Variants in ARHGAP11A observed in about 807,000 individuals in gnomAD.
ARHGAP11A encodes Rho GTPase activating protein 11A, also known as rho GTPase-activating protein 11A.
ARHGAP11A carries 36 observed loss-of-function variants against 60.5 expected under a neutral mutation model. The observed-to-expected ratio is 0.59, with a 90% CI of 0.46 to 0.79. The LOEUF (loss-of-function observed/expected upper bound fraction) is 0.79. Ranked by LOEUF, ARHGAP11A falls within the 30% of genes least tolerant of loss-of-function variation. The pLI, the probability that ARHGAP11A is intolerant of heterozygous loss-of-function variation, is 0.00. For synonymous variants in ARHGAP11A, 362 were observed against 415.5 expected (o/e 0.87, Z 1.57); for missense variants, 1,071 against 1,199.2 (o/e 0.89, Z 1.58).
chr15:32,616,405 C>G (rs4353456), intron 1 of ARHGAP11A, 65 bp downstream of exon 1: 28 of 1,605,328 alleles, frequency 1.7e-5, no homozygotes, highest in African/African-American at 9.4e-5. Context: ...TCACTTACTA[C>G]CAGATCGTGC....
In ARHGAP11A at chr15:32,637,610, C is replaced by T. The variant is rs944823977; in HGVS notation, c.2837C>T (p.Thr946Ile). ...DSVNASLRST[T>I]VYKQKILSDG... ...GTGAATGCTTCTCTTAGGTCTACTACAGTTTATAAACAGAAGATCTTATCT... is the reference window on the plus strand; with the variant it reads ...GTGAATGCTTCTCTTAGGTCTACTATAGTTTATAAACAGAAGATCTTATCT... Residue 946 changes from threonine (T) to isoleucine (I), a missense_variant, in exon 12 of 12, where the codon ACA becomes ATA. This residue lies in a region of ARHGAP11A where 776 missense variants were observed against 760.2 expected (regional missense o/e 1.02). Coordinates refer to ENST00000361627, the MANE Select transcript of ARHGAP11A (RefSeq NM_014783.6). The T allele has an allele frequency of 6.8e-6, 11 of 1,614,182 alleles. No individual in the cohort carries two copies. The East Asian group carries it at 2.2e-4, about 33-fold the overall frequency.
rs1181199908 is a variant in ARHGAP11A at position 32,635,810 on chromosome 15, G to A, written c.1378G>A (p.Val460Ile). 3 of 1,610,108 alleles carry A rather than the reference G, an allele frequency of 1.9e-6. No individual in the cohort carries two copies. Among genetic ancestry groups the A allele is most frequent in the Non-Finnish European group, 2.5e-6 (3 of 1,178,826 alleles). Residue 460 changes from valine to isoleucine, a missense_variant, in exon 11 of 12, where the codon GTT becomes ATT. By Grantham distance (29) the Val-to-Ile change is conservative. This residue lies in a region of ARHGAP11A where 776 missense variants were observed against 760.2 expected (regional missense o/e 1.02). Transcript: ENST00000361627. ...TTCTGGTGTCAATAGATATGAAAGTGTTGGTTGGCGACTTGCAAATCAACA... is the reference window on the plus strand; with the variant it reads ...TTCTGGTGTCAATAGATATGAAAGTATTGGTTGGCGACTTGCAAATCAACA... ...GCSGVNRYES[V>I]GWRLANQQSL...
At chr15:32,617,206 G>A (rs1016656204) in intron 1 of ARHGAP11A, among the ~76,000 whole-genome samples, 1 of 152,108 alleles carries the variant, frequency 6.6e-6, no homozygotes, top group Admixed American at 6.5e-5. Flanking sequence ...GCTTTTAATA[G>A]TTTATGGTTT....
Position 32,637,311 on chromosome 15 carries a change from T to C in ARHGAP11A, c.2538T>C (p.Asn846=). 6.2e-7 allele frequency: 1 copy of C among 1,614,194 alleles called. No individual in the cohort carries two copies. ...TPVRQSVRRI[N]SLLEYSRQPT... ...TTCGTCAGTCCGTCAGAAGAATTAA[T>C]TCTTTGTTGGAGTATAGCAGACAAC... The change falls in exon 12 of 12, where the codon AAT becomes AAC. Residue 846 remains asparagine, a synonymous_variant. Transcript: ENST00000361627.
rs1419172154 is a variant in ARHGAP11A at position 32,636,691 on chromosome 15, G to C, written c.1918G>C (p.Glu640Gln). 12 of 1,613,798 alleles carry C rather than the reference G, an allele frequency of 7.4e-6. No individual in the cohort carries two copies. Among genetic ancestry groups the C allele is most frequent in the Non-Finnish European group, 1.0e-5 (12 of 1,179,952 alleles). ...TEPSYLEDSP[E>Q]ENLFETNDLT... ...ACCATCTTATTTAGAAGATAGCCCA[G>C]AGGAAAATCTATTTGAAACTAATGA... The change falls in exon 12 of 12, where the codon GAG becomes CAG. Residue 640 changes from glutamate to glutamine, a missense_variant. Transcript: ENST00000361627.
Position 32,637,565 on chromosome 15 carries a change from T to G in ARHGAP11A, c.2792T>G (p.Met931Arg). The G allele has an allele frequency of 6.2e-7, 1 of 1,614,204 alleles. No homozygotes were observed. Among genetic ancestry groups the G allele is most frequent in the Non-Finnish European group, 8.5e-7 (1 of 1,180,034 alleles). The change falls in exon 12 of 12, where the codon ATG becomes AGG. Residue 931 changes from methionine to arginine, a missense_variant. Physicochemically the swap from Met to Arg is moderately conservative, Grantham distance 91 (BLOSUM62 -1). Around this residue, in one of 4 missense-constraint regions of ARHGAP11A, gnomAD observed 776 missense variants for 760.2 expected, o/e 1.02. Transcript: ENST00000361627. ...MELPSKSFLK[M>R]RKHPDSVNAS... ...TTACCCTCGAAATCTTTCTTAAAGA[T>G]GAGGAAGCACCCAGATTCAGTGAAT...
At chr15:32,628,001 G>T (rs2140460845) in intron 6 of ARHGAP11A, among the ~76,000 whole-genome samples, 1 of 152,082 alleles carries the variant, frequency 6.6e-6, no homozygotes, top group South Asian at 2.1e-4. Context: ...GTAGAAAGGG[G>T]GTTTCACTGT....
Position 32,631,364 on chromosome 15 carries a change from C to T in ARHGAP11A, c.1105+1602C>T, listed in dbSNP as rs1003612506. ...AGGCTAGAGTGCAATGGCACAATCT[C>T]GGCTCACTGCAGCCACCACCTCTCA... is the stretch of plus-strand genomic sequence containing the variant. On this transcript the variant is annotated intron_variant, in intron 8 of 11. Coordinates refer to ENST00000361627, the MANE Select transcript of ARHGAP11A (RefSeq NM_014783.6). 3.3e-4 allele frequency among the ~76,000 whole-genome samples: 50 copies of T among 151,382 alleles called. 1 individual carries two copies. The highest frequency in any genetic ancestry group is 2.7e-3 in the Admixed American group (41 of 15,196).
At chr15:32,619,932 A>G (rs1043528272) in intron 1 of ARHGAP11A, among the ~76,000 whole-genome samples, 176 bp from the exon 2 acceptor site, 2 of 152,222 alleles carry the variant, frequency 1.3e-5, no homozygotes, top group Non-Finnish European at 2.9e-5. Context: ...ACTGTCTAAT[A>G]TAGTAATTAT....
chr15:32,637,280 C>G lies in ARHGAP11A; in HGVS notation c.2507C>G (p.Thr836Ser). Residue 836 changes from threonine to serine, a missense_variant, in exon 12 of 12, where the codon ACT becomes AGT. This residue lies in a region of ARHGAP11A where 776 missense variants were observed against 760.2 expected (regional missense o/e 1.02). Coordinates refer to ENST00000361627, the MANE Select transcript of ARHGAP11A (RefSeq NM_014783.6). ...AAGTCACCTCTTAAGTTTCAGCGTA[C>G]TCCTGTTCGTCAGTCCGTCAGAAGA... is the stretch of plus-strand genomic sequence containing the variant. The part of the protein sequence containing the change: ...KVKSPLKFQR[T>S]PVRQSVRRIN... The G allele has an allele frequency of 1.2e-6, 2 of 1,614,232 alleles. No homozygotes were observed. The highest frequency in any genetic ancestry group is 1.7e-6 in the Non-Finnish European group (2 of 1,180,032).
In ARHGAP11A at chr15:32,639,033, C is replaced by G. The variant is rs1041754987; in HGVS notation, c.*1188C>G. On this transcript the variant is annotated 3_prime_UTR_variant, in exon 12 of 12. Transcript: ENST00000361627. ...TTTAGCATAGACATTAAAGATAACT[C>G]TCTGGAAAATGACTTGACTAAGGCT... 2.0e-5 allele frequency: 3 copies of G among 152,598 alleles called. No individual in the cohort carries two copies. The highest frequency in any genetic ancestry group is 7.2e-5 in the African/African-American group (3 of 41,434). 9.5% of individuals were successfully genotyped at this position (152,598 alleles called of 1,614,324 possible).
intron 1 of ARHGAP11A, among the ~76,000 whole-genome samples, chr15:32,617,664 G>A (rs2053191349): frequency 6.6e-6 from 1 of 151,910 alleles, no homozygotes; most frequent in African/African-American, 2.4e-5. Flanking sequence ...AGTAGAGACG[G>A]GATTTCACCG....
At chr15:32,631,109 T>C (rs1285981413) in intron 8 of ARHGAP11A, among the ~76,000 whole-genome samples, 2 of 152,222 alleles carry the variant, frequency 1.3e-5, no homozygotes, top group African/African-American at 4.8e-5. Context: ...AGTTCAACAA[T>C]AGTAATCGTA....
rs1208070599 is a variant in ARHGAP11A at position 32,622,173 on chromosome 15, C to T, written c.201-1319C>T. 2.0e-5 allele frequency among the ~76,000 whole-genome samples: 3 copies of T among 152,308 alleles called. No homozygotes were observed. In the East Asian group the frequency reaches 5.8e-4, roughly 29 times the overall value. On this transcript the variant is annotated intron_variant, in intron 2 of 11. Transcript: ENST00000361627. ...GGAGCTCATGCCTGTTATGCCAGCA[C>T]TTAGGGAGGCCCAGGTGGTGGATTG...
At chr15:32,631,483 A>G (rs1482966551) in intron 8 of ARHGAP11A, among the ~76,000 whole-genome samples, 1 of 152,068 alleles carries the variant, frequency 6.6e-6, no homozygotes, top group Admixed American at 6.5e-5. Context: ...CATTTTTAGT[A>G]GAGACGGGGT....
At chr15:32,633,297 C>A (rs748059932) in intron 9 of ARHGAP11A, among the ~76,000 whole-genome samples, 189 bp downstream of exon 9, 1 of 151,948 alleles carries the variant, frequency 6.6e-6, no homozygotes, top group Admixed American at 6.6e-5. Context: ...AATTTGAGTC[C>A]GCTTTGCTTG....
chr15:32,636,113 A>T, intron 11 of ARHGAP11A, 144 bp from the exon 12 acceptor site: 2 of 1,397,666 alleles, frequency 1.4e-6, no homozygotes, highest in Non-Finnish European at 1.9e-6. Flanking sequence ...AAAATGTTTG[A>T]CATTCTTATG....
intron 6 of ARHGAP11A, among the ~76,000 whole-genome samples, chr15:32,626,313 G>A (rs1006467708): frequency 1.3e-5 from 2 of 152,038 alleles, no homozygotes; most frequent in African/African-American, 4.8e-5. Context: ...TTAGGAGTAC[G>A]AACTAAATAA....
chr15:32,627,723 C>T (rs935407749), intron 6 of ARHGAP11A, among the ~76,000 whole-genome samples: 7 of 151,984 alleles, frequency 4.6e-5, no homozygotes, highest in South Asian at 2.1e-4. Flanking sequence ...AGCGAGACTC[C>T]GTCTCAAAAA....
Sources: allele counts gnomAD v4.1 joint callset (sites outside exome capture counted in the v4.1 genomes callset), GRCh38; gene constraint gnomAD v4.1.1; regional missense constraint gnomAD v4.1.1; transcripts MANE v1.5; gene names NCBI Gene and HGNC (gene_info 2026-07-23, HGNC 2026-07-21).